WWOX: variants seen among roughly 807,000 people sequenced by gnomAD.
The protein encoded by WWOX is WW domain-containing oxidoreductase.
A neutral mutation model predicts 46.2 loss-of-function variants in WWOX; 69 were observed. The ratio of observed to expected loss-of-function variants is 1.49; its 90% CI spans 1.23 to 1.82. The LOEUF is 1.82. Among genes scored for constraint, WWOX ranks in the 40% most tolerant of loss-of-function variants. The pLI is 0.00. For synonymous variants in WWOX, 359 were observed against 202.6 expected (o/e 1.77, Z -6.56); for missense variants, 919 against 542.6 (o/e 1.69, Z -6.89).
intron 8 of WWOX, among the ~76,000 whole-genome samples, chr16:79,177,188 T>C (rs2050816926): frequency 6.6e-6 from 1 of 152,110 alleles, no homozygotes; most frequent in Non-Finnish European, 1.5e-5. Flanking sequence ...CATTGAAGTG[T>C]GAAAAGAGAG....
At chr16:78,669,885 G>A (rs1221981601) in intron 8 of WWOX, among the ~76,000 whole-genome samples, 5 of 152,018 alleles carry the variant, frequency 3.3e-5, no homozygotes, top group East Asian at 1.9e-4. Flanking sequence ...TCCACGTTAC[G>A]TTTTTTTCTT....
chr16:79,072,667 A>G (rs1478642478), intron 8 of WWOX, among the ~76,000 whole-genome samples: 2 of 152,328 alleles, frequency 1.3e-5, no homozygotes, highest in South Asian at 2.1e-4. Context: ...TTTAGCTGTC[A>G]TCTTCATCAT....
At chr16:78,921,136 C>T (rs562121488) in intron 8 of WWOX, among the ~76,000 whole-genome samples, 8 of 151,924 alleles carry the variant, frequency 5.3e-5, no homozygotes, top group East Asian at 3.9e-4. Context: ...TGAAGAATGG[C>T]GCTCTTTAAA....
At chr16:78,913,163 G>A (rs745533990) in intron 8 of WWOX, among the ~76,000 whole-genome samples, 3 of 151,916 alleles carry the variant, frequency 2.0e-5, no homozygotes, top group Admixed American at 6.6e-5. Flanking sequence ...AGTTGCTGTC[G>A]CTGAGGTAAT....
At chr16:78,837,603 T>C (rs1308736068) in intron 8 of WWOX, among the ~76,000 whole-genome samples, 1 of 152,216 alleles carries the variant, frequency 6.6e-6, no homozygotes, top group Non-Finnish European at 1.5e-5. Flanking sequence ...ACAGACCTCT[T>C]AGGCGTCTGC....
chr16:78,114,536 A>G (rs1360915284), intron 3 of WWOX, among the ~76,000 whole-genome samples: 1 of 152,206 alleles, frequency 6.6e-6, no homozygotes, highest in African/African-American at 2.4e-5. Flanking sequence ...TCTTATTTAC[A>G]ACTAAGACTT....
At chr16:79,091,402 G>T (rs1250755365) in intron 8 of WWOX, among the ~76,000 whole-genome samples, 2 of 152,058 alleles carry the variant, frequency 1.3e-5, no homozygotes, top group Non-Finnish European at 2.9e-5. Context: ...GAATTTGAAG[G>T]CTGCCAGGCA....
At chr16:78,534,006 A>G (rs1038739589) in intron 8 of WWOX, among the ~76,000 whole-genome samples, 4 of 152,190 alleles carry the variant, frequency 2.6e-5, no homozygotes, top group African/African-American at 9.7e-5. Flanking sequence ...AAACTAGAGG[A>G]TGAATGAGTG....
At chr16:78,966,940 C>T (rs753146092) in intron 8 of WWOX, among the ~76,000 whole-genome samples, 2 of 152,138 alleles carry the variant, frequency 1.3e-5, no homozygotes, top group Admixed American at 6.5e-5. Flanking sequence ...GTGTCTGGTA[C>T]ATGGTAAGGG....
chr16:78,225,670 C>G (rs1398350923), intron 5 of WWOX, among the ~76,000 whole-genome samples: 2 of 152,148 alleles, frequency 1.3e-5, no homozygotes, highest in Non-Finnish European at 2.9e-5. Flanking sequence ...ATGAGTAGTT[C>G]ATTGTCCCAA....
rs1567501866 is a variant in WWOX at position 78,702,118 on chromosome 16, A to ATT, written c.1056+269367_1056+269368insTT. Among the ~76,000 whole-genome samples, 281 of 134,484 alleles carry ATT rather than the reference A, an allele frequency of 2.1e-3. 6 individuals carry two copies. The highest frequency in any genetic ancestry group is 8.1e-3 in the African/African-American group (270 of 33,450). The allele number at this position is 134,484 out of a possible 152,430, so 88.2% of individuals were successfully genotyped here. A position where few individuals can be genotyped will look rare whatever the true frequency, so the allele number is the denominator to read the frequency against. On this transcript the variant is annotated intron_variant, in intron 8 of 8. Coordinates refer to ENST00000566780, the MANE Select transcript of WWOX (RefSeq NM_016373.4). ...TATAAAGTTATATATATATATATAT[A>ATT]TATATTTATTTATTTTCAAGACATG...
chr16:78,769,697 G>T (rs982304175), intron 8 of WWOX, among the ~76,000 whole-genome samples: 1 of 151,228 alleles, frequency 6.6e-6, no homozygotes, highest in South Asian at 2.1e-4. Flanking sequence ...CAGGGTTTTG[G>T]CTACTAAAGG....
rs546049355 is a variant in WWOX, at chr16:78,257,644, C to T, written c.516+93355C>T. 3.3e-5 allele frequency among the ~76,000 whole-genome samples: 5 copies of T among 152,058 alleles called. No individual in the cohort carries two copies. In the South Asian group the frequency reaches 6.2e-4, roughly 19 times the overall value. ...GAATGGAATCTGATGTCTACCGCAG[C>T]GGTTTTTTCCATCTCCATTCCTTCT... On this transcript the variant is annotated intron_variant, in intron 5 of 8. Transcript: ENST00000566780.
intron 8 of WWOX, among the ~76,000 whole-genome samples, chr16:78,758,244 C>T (rs909966161): frequency 2.0e-5 from 3 of 152,080 alleles, no homozygotes; most frequent in African/African-American, 7.2e-5. Flanking sequence ...TATAGTAATT[C>T]CATGTAGCTA....
chr16:78,120,343 G>T (rs1172683681), intron 4 of WWOX, among the ~76,000 whole-genome samples: 1 of 152,128 alleles, frequency 6.6e-6, no homozygotes, highest in Non-Finnish European at 1.5e-5. Flanking sequence ...GGCCGAGGCG[G>T]GTGGATCATG....
intron 8 of WWOX, among the ~76,000 whole-genome samples, chr16:78,769,097 T>C (rs1243558498): frequency 6.6e-6 from 1 of 152,342 alleles, no homozygotes; most frequent in Non-Finnish European, 1.5e-5. Flanking sequence ...TTTATAAGGC[T>C]CTGGCATTTG....
intron 8 of WWOX, among the ~76,000 whole-genome samples, chr16:78,843,106 G>A (rs1292262695): frequency 1.3e-5 from 2 of 149,030 alleles, no homozygotes; most frequent in African/African-American, 4.9e-5. Flanking sequence ...TTTTTTTTTG[G>A]CACCATAGAA....
At chr16:78,836,672 A>T (rs1189073876) in intron 8 of WWOX, among the ~76,000 whole-genome samples, 2 of 152,320 alleles carry the variant, frequency 1.3e-5, no homozygotes, top group Admixed American at 1.3e-4. Flanking sequence ...TGCGGGGTGT[A>T]GAAAATGACA....
intron 8 of WWOX, among the ~76,000 whole-genome samples, chr16:78,964,388 C>T (rs1198861419): frequency 6.6e-6 from 1 of 152,086 alleles, no homozygotes; most frequent in Admixed American, 6.5e-5. Context: ...ACAGGTGACT[C>T]TTGTTATGTT....
Sources: allele counts gnomAD v4.1 joint callset (sites outside exome capture counted in the v4.1 genomes callset), GRCh38; gene constraint gnomAD v4.1.1; transcripts MANE v1.5; gene names NCBI Gene and HGNC (gene_info 2026-07-23, HGNC 2026-07-21).